The following AK8 variants were observed in gnomAD, a reference collection of about 807,000 sequenced individuals.
AK8 encodes the protein ATP-AMP transphosphorylase 8.
In AK8, 44 loss-of-function variants were observed where a neutral mutation model predicts 54.6. The ratio of observed to expected loss-of-function variants is 0.81; its 90% CI spans 0.63 to 1.04. AK8 has a LOEUF of 1.04. Ranked by LOEUF, AK8 falls within the 50% of genes least tolerant of loss-of-function variation. The probability of loss-of-function intolerance (pLI) is 0.00; values close to 1 mark genes in which losing one functional copy is unlikely to be tolerated. For missense variants in AK8, 555 were observed against 613.6 expected (o/e 0.90, Z 1.01); for synonymous variants, 239 against 245.6 (o/e 0.97, Z 0.25).
At chr9:132,869,044 G>A (rs905778989) in intron 2 of AK8, among the ~76,000 whole-genome samples, 1 of 152,124 alleles carries the variant, frequency 6.6e-6, no homozygotes, top group Admixed American at 6.5e-5. Flanking sequence ...GACAGGCGTG[G>A]TGGCACACAA....
At chr9:132,862,154 T>TC (rs1843413805) in intron 4 of AK8, among the ~76,000 whole-genome samples, 1 of 152,128 alleles carries the variant, frequency 6.6e-6, no homozygotes, top group African/African-American at 2.4e-5. Flanking sequence ...AAGGCTGGTG[T>TC]CCCCGCAAGC....
At chr9:132,735,736 A>G (rs552990100) in intron 11 of AK8, among the ~76,000 whole-genome samples, 6 of 152,376 alleles carry the variant, frequency 3.9e-5, no homozygotes, top group Admixed American at 6.5e-5. Flanking sequence ...AACCGAAAGC[A>G]GGGACTTGAA....
intron 11 of AK8, chr9:132,769,347 G>A (rs1838857382): frequency 6.6e-6 from 1 of 152,228 alleles, no homozygotes; most frequent in South Asian, 2.1e-4. Context: ...ATTCTCTGCT[G>A]ACATTTGCCA....
chr9:132,748,901 G>GTC (rs1255899546), intron 11 of AK8, among the ~76,000 whole-genome samples: 1 of 151,926 alleles, frequency 6.6e-6, no homozygotes, highest in African/African-American at 2.4e-5. Flanking sequence ...TTGAGACTAA[G>GTC]TCTCACTCTT....
chr9:132,818,004 A>G (rs1400550100), intron 9 of AK8, among the ~76,000 whole-genome samples: 2 of 152,226 alleles, frequency 1.3e-5, no homozygotes, highest in Non-Finnish European at 2.9e-5. Flanking sequence ...CAACAATGGT[A>G]AAAATAACCT....
intron 11 of AK8, among the ~76,000 whole-genome samples, chr9:132,749,290 G>A (rs570793552): frequency 6.6e-6 from 1 of 152,058 alleles, no homozygotes; most frequent in East Asian, 1.9e-4. Flanking sequence ...GTGGGAACTG[G>A]GTCTCAGGGA....
chr9:132,808,917 T>C (rs428369), intron 10 of AK8, among the ~76,000 whole-genome samples: 42,764 of 151,828 alleles, frequency 0.28, 6,142 homozygotes, highest in East Asian at 0.49. Flanking sequence ...AGGAAGACTC[T>C]ATAGTGCCTG....
chr9:132,785,218 C>T (rs758108817), intron 11 of AK8, among the ~76,000 whole-genome samples: 6 of 151,956 alleles, frequency 3.9e-5, no homozygotes, highest in Non-Finnish European at 8.8e-5. Flanking sequence ...AGTTCCCTGC[C>T]TCAGCCTCCT....
At position 132,779,482 on chromosome 9, in the gene AK8, C is replaced by T. The variant is rs990354882; in HGVS notation, c.1121+13152G>A. On this transcript the variant is annotated intron_variant, in intron 11 of 12. Transcript: ENST00000298545. The stretch of plus-strand genomic sequence containing the variant: ...AACTACAGGTGTGCACCACCATGCG[C>T]GGCTTAGCGTGTAACTTGTTATGTG... Among the ~76,000 whole-genome samples the T allele has an allele frequency of 4.6e-5, 7 of 152,188 alleles. No individual in the cohort carries two copies. The South Asian group carries it at 6.2e-4, about 13-fold the overall frequency.
In AK8 at chr9:132,791,980, A is replaced by T. The variant is rs1839965756; in HGVS notation, c.1121+654T>A. Among the ~76,000 whole-genome samples the T allele has an allele frequency of 6.6e-6, 1 of 152,220 alleles. No individual in the cohort carries two copies. The highest frequency in any genetic ancestry group is 2.4e-5 in the African/African-American group (1 of 41,452). ...ACAGCCTCCAACTGGGGCATGGTAG[A>T]ACCGAAGCCTTTCCCACCTTCCACT... On this transcript the variant is annotated intron_variant, in intron 11 of 12. Transcript: ENST00000298545. This position sits in a 1 kb window ranked among gnomAD's most constrained non-coding sequence, Gnocchi z 4.0.
At chr9:132,750,576 C>T (rs991000321) in intron 11 of AK8, among the ~76,000 whole-genome samples, 2 of 151,924 alleles carry the variant, frequency 1.3e-5, no homozygotes, top group Admixed American at 6.6e-5. Context: ...AGGAAAACCA[C>T]GCTTTCTTCT....
chr9:132,757,500 AT>A (rs1159811667), intron 11 of AK8, among the ~76,000 whole-genome samples: 2 of 152,232 alleles, frequency 1.3e-5, no homozygotes, highest in Non-Finnish European at 2.9e-5. Context: ...TACAGAAAGA[AT>A]ATCGAGCCTG....
chr9:132,803,017 T>C lies in AK8; in HGVS notation c.980-10242A>G, dbSNP rs1328539288. On this transcript the variant is annotated intron_variant, in intron 10 of 12. Transcript: ENST00000298545. The surrounding 1 kb of genome is among the most constrained non-coding windows in gnomAD (Gnocchi z 4.4). ...AAGGCTGGGGAGGCCTTGGGAAACT[T>C]ACAATCATGGCAGAAGGGGAAGCAA... Among the ~76,000 whole-genome samples, 2 of 152,112 alleles carry C rather than the reference T, an allele frequency of 1.3e-5. No individual in the cohort carries two copies. Among genetic ancestry groups the C allele is most frequent in the African/African-American group, 4.8e-5 (2 of 41,418 alleles).
At chr9:132,841,842 T>C (rs1842558388) in intron 5 of AK8, among the ~76,000 whole-genome samples, 1 of 152,096 alleles carries the variant, frequency 6.6e-6, no homozygotes. Flanking sequence ...TTGATTCTTG[T>C]TACAGTTGAT....
chr9:132,732,403 T>C (rs1836888664), intron 11 of AK8, among the ~76,000 whole-genome samples: 1 of 152,090 alleles, frequency 6.6e-6, no homozygotes, highest in African/African-American at 2.4e-5. Flanking sequence ...GCATTCAGGA[T>C]TATATCTTTC....
chr9:132,867,089 C>A, intron 2 of AK8, 136 bp from the exon 3 acceptor site: 1 of 790,234 alleles, frequency 1.3e-6, no homozygotes, highest in Non-Finnish European at 2.2e-6. Context: ...TGTAACCCAG[C>A]AGCTCAGAGA....
At chr9:132,824,227 G>T (rs1036685271) in intron 8 of AK8, among the ~76,000 whole-genome samples, 1 of 152,224 alleles carries the variant, frequency 6.6e-6, no homozygotes, top group African/African-American at 2.4e-5. Context: ...CAGGAGAGAT[G>T]CCCACAGATG....
At position 132,800,944 on chromosome 9, in the gene AK8, C is replaced by T. The variant is rs565889387; in HGVS notation, c.980-8169G>A. Among the ~76,000 whole-genome samples, 37 of 123,320 alleles carry T rather than the reference C, an allele frequency of 3.0e-4. No homozygotes were observed. The South Asian group carries it at 7.9e-3, about 26-fold the overall frequency. The allele number at this position is 123,320 out of a possible 152,430, so 80.9% of individuals were successfully genotyped here. A position where few individuals can be genotyped will look rare whatever the true frequency, so the allele number is the denominator to read the frequency against. On this transcript the variant is annotated intron_variant, in intron 10 of 12. Coordinates refer to ENST00000298545, the MANE Select transcript of AK8 (RefSeq NM_152572.3). ...CTTTTTTTTTTTTTTTTTTTTGAGA[C>T]GGAGTAGTCTCGCTCTGTCGCCCAG...
At chr9:132,870,045 G>A (rs1194633133) in intron 2 of AK8, among the ~76,000 whole-genome samples, 1 of 152,172 alleles carries the variant, frequency 6.6e-6, no homozygotes, top group Non-Finnish European at 1.5e-5. Context: ...AGAGCCCAAG[G>A]AAAGGGGAGA....
Sources: gnomAD v4.1 joint callset for allele counts (sites outside exome capture counted in the v4.1 genomes callset) on GRCh38, gnomAD v4.1.1 for gene constraint, Gnocchi (gnomAD v3.1) non-coding constraint, MANE v1.5 for transcripts, NCBI Gene and HGNC (gene_info 2026-07-23, HGNC 2026-07-21) for gene names.